SLIT3: variants seen among roughly 807,000 people sequenced by gnomAD.
The protein encoded by SLIT3 is slit guidance ligand 3, also known as slit homolog 3 protein.
In SLIT3, 68 loss-of-function variants were observed where a neutral mutation model predicts 184.0. That is an observed-to-expected ratio of 0.37 (90% CI 0.30 to 0.45). The LOEUF (loss-of-function observed/expected upper bound fraction) is 0.45. SLIT3 is among the 20% of genes least tolerant of loss of function. SLIT3 has a pLI of 1.00. For missense variants in SLIT3, 1,707 were observed against 2,026.0 expected, an observed-to-expected ratio of 0.84 and a Z score of 3.02; for synonymous variants, 831 against 828.6, an observed-to-expected ratio of 1.00 and a Z score of -0.05.
At chr5:168,831,837 T>C (rs537186820) in intron 6 of SLIT3, among the ~76,000 whole-genome samples, 13 of 152,352 alleles carry the variant, frequency 8.5e-5, no homozygotes, top group African/African-American at 2.9e-4. Context: ...TTATTATATA[T>C]TCATATTATG....
intron 4 of SLIT3, chr5:169,026,359 T>C (rs1177061270): frequency 1.3e-5 from 2 of 152,172 alleles, no homozygotes; most frequent in East Asian, 1.9e-4. Context: ...TTTCAAGAAG[T>C]TGGGTCAAGA....
At chr5:168,927,990 C>A (rs1761883624) in intron 4 of SLIT3, among the ~76,000 whole-genome samples, 1 of 152,224 alleles carries the variant, frequency 6.6e-6, no homozygotes, top group African/African-American at 2.4e-5. Context: ...GAGCTGCCAG[C>A]ACATCACCTA....
chr5:169,189,529 T>G (rs1449762491), intron 4 of SLIT3, among the ~76,000 whole-genome samples: 4 of 1,100 alleles, frequency 3.6e-3, no homozygotes, highest in African/African-American at 7.8e-3. Context: ...ATAGATGGGA[T>G]ATATATATAT....
Position 168,910,115 on chromosome 5 carries a change from G to A in SLIT3, c.414-26779C>T, listed in dbSNP as rs183249575. ...TGGGCTGAAAACAAGCTTCTTAAAA[G>A]AATTGTCTTCTCCCCTTGATGATGG... On this transcript the variant is annotated intron_variant, in intron 4 of 35. Transcript: ENST00000519560. 3.9e-5 allele frequency among the ~76,000 whole-genome samples: 6 copies of A among 152,286 alleles called. No individual in the cohort carries two copies. In the South Asian group the frequency reaches 1.2e-3, roughly 32 times the overall value.
At chr5:168,918,555 C>T (rs1761524425) in intron 4 of SLIT3, among the ~76,000 whole-genome samples, 1 of 152,158 alleles carries the variant, frequency 6.6e-6, no homozygotes, top group South Asian at 2.1e-4. Context: ...GTGTTTCTGA[C>T]AACTTCCTTG....
At chr5:169,198,139 T>C (rs527460462) in intron 3 of SLIT3, among the ~76,000 whole-genome samples, 1 of 152,342 alleles carries the variant, frequency 6.6e-6, no homozygotes, top group African/African-American at 2.4e-5. Flanking sequence ...CTCCAGTTTT[T>C]CAATATGAAC....
intron 3 of SLIT3, among the ~76,000 whole-genome samples, chr5:169,237,385 T>C (rs865863812): frequency 2.4e-4 from 36 of 152,336 alleles, no homozygotes; most frequent in Middle Eastern, 3.4e-3. Context: ...TCCCCCACTG[T>C]GCTTTATTCA....
intron 4 of SLIT3, among the ~76,000 whole-genome samples, chr5:169,184,329 G>A (rs1581028905): frequency 6.6e-6 from 1 of 152,250 alleles, no homozygotes; most frequent in Non-Finnish European, 1.5e-5. Flanking sequence ...GTAAGAGGGT[G>A]AGAAAGTCAG....
At chr5:168,776,432 A>G (rs1042766775) in intron 12 of SLIT3, among the ~76,000 whole-genome samples, 13 of 152,178 alleles carry the variant, frequency 8.5e-5, no homozygotes, top group African/African-American at 2.9e-4. Flanking sequence ...TGCTTTCCCA[A>G]CGTCCCATTA....
intron 4 of SLIT3, among the ~76,000 whole-genome samples, chr5:169,102,817 G>A (rs981414822): frequency 2.6e-5 from 4 of 152,168 alleles, no homozygotes; most frequent in Admixed American, 1.3e-4. Context: ...ATCTCATCCC[G>A]AAACATCCTC....
At chr5:169,141,808 T>G (rs1279887530) in intron 4 of SLIT3, among the ~76,000 whole-genome samples, 1 of 150,848 alleles carries the variant, frequency 6.6e-6, no homozygotes, top group Non-Finnish European at 1.5e-5. Context: ...TCCCAGCACT[T>G]TGAGAGGCCG....
intron 23 of SLIT3, among the ~76,000 whole-genome samples, chr5:168,716,567 G>T (rs1421260527): frequency 6.6e-6 from 1 of 152,288 alleles, no homozygotes; most frequent in Non-Finnish European, 1.5e-5. Context: ...TACCCACATA[G>T]GGTAGAAGCC....
At chr5:168,949,870 G>A (rs531613070) in intron 4 of SLIT3, among the ~76,000 whole-genome samples, 124 of 152,304 alleles carry the variant, frequency 8.1e-4, no homozygotes, top group Non-Finnish European at 1.4e-3. Context: ...GGGATTACAG[G>A]TGTGAGCCAC....
chr5:168,693,726 G>A (rs192533768), intron 28 of SLIT3, among the ~76,000 whole-genome samples: 6 of 152,228 alleles, frequency 3.9e-5, no homozygotes, highest in Admixed American at 2.6e-4. Flanking sequence ...AGGTCCAGAG[G>A]GCTGGCTGCA....
At chr5:168,778,659 G>A (rs761344967) in intron 12 of SLIT3, among the ~76,000 whole-genome samples, 11 of 152,336 alleles carry the variant, frequency 7.2e-5, no homozygotes, top group South Asian at 6.2e-4. Flanking sequence ...GAATGCCGAC[G>A]TGGGAGCTGA....
chr5:168,674,918 A>G (rs1350787792), intron 32 of SLIT3, among the ~76,000 whole-genome samples: 1 of 152,188 alleles, frequency 6.6e-6, no homozygotes, highest in Admixed American at 6.5e-5. Flanking sequence ...TGAACCTTAC[A>G]ATAATTCTAT....
At chr5:168,685,231 G>A (rs1020313900) in intron 31 of SLIT3, among the ~76,000 whole-genome samples, 9 of 152,216 alleles carry the variant, frequency 5.9e-5, no homozygotes, top group Non-Finnish European at 1.0e-4. Flanking sequence ...TTATAGGCAT[G>A]AGCCACCACA....
intron 4 of SLIT3, among the ~76,000 whole-genome samples, chr5:168,910,196 CTG>C (rs1761208023): frequency 1.3e-5 from 2 of 152,312 alleles, no homozygotes; most frequent in South Asian, 4.1e-4. Context: ...GTAGTGAAGT[CTG>C]TGTGTTTACA....
At chr5:169,116,243 C>T (rs1275133208) in intron 4 of SLIT3, among the ~76,000 whole-genome samples, 1 of 152,124 alleles carries the variant, frequency 6.6e-6, no homozygotes, top group Non-Finnish European at 1.5e-5. Flanking sequence ...GCAGTCCGGG[C>T]AAAGAACTCT....
Sources: allele counts gnomAD v4.1 joint callset (sites outside exome capture counted in the v4.1 genomes callset), GRCh38; gene constraint gnomAD v4.1.1; transcripts MANE v1.5; gene names NCBI Gene and HGNC (gene_info 2026-07-23, HGNC 2026-07-21).